The following LYPD6 variants were observed in gnomAD, a reference collection of about 807,000 sequenced individuals.
The protein encoded by LYPD6 is ly6/PLAUR domain-containing protein 6.
In LYPD6, 15 loss-of-function variants were observed where a neutral mutation model predicts 22.7. The observed-to-expected ratio is 0.66, with a 90% confidence interval of 0.44 to 1.02. LYPD6 has a LOEUF of 1.02. Ranked by LOEUF, LYPD6 falls within the 50% of genes least tolerant of loss-of-function variation. The probability of loss-of-function intolerance (pLI) is 0.00; values close to 1 mark genes in which losing one functional copy is unlikely to be tolerated. For missense variants in LYPD6, 189 were observed against 208.4 expected (o/e 0.91, Z 0.57); for synonymous variants, 72 against 77.5 (o/e 0.93, Z 0.37).
intron 1 of LYPD6, among the ~76,000 whole-genome samples, chr2:149,407,668 T>G (rs1268268341): frequency 6.6e-6 from 1 of 152,158 alleles, no homozygotes; most frequent in Non-Finnish European, 1.5e-5. Flanking sequence ...CTTCTTTGCC[T>G]TTGGTTTGAA....
chr2:149,344,792 T>C (rs1392513548), intron 1 of LYPD6, among the ~76,000 whole-genome samples: 5 of 152,184 alleles, frequency 3.3e-5, no homozygotes, highest in Admixed American at 3.3e-4. Flanking sequence ...GTAGGATGGC[T>C]GTGTCTGAAT....
At chr2:149,431,852 C>G (rs926556601) in intron 1 of LYPD6, among the ~76,000 whole-genome samples, 3 of 152,016 alleles carry the variant, frequency 2.0e-5, no homozygotes, top group South Asian at 2.1e-4. Context: ...AGGATATTTG[C>G]AAACATTTAT....
At chr2:149,380,082 A>T (rs1450814013) in intron 1 of LYPD6, among the ~76,000 whole-genome samples, 1 of 152,146 alleles carries the variant, frequency 6.6e-6, no homozygotes, top group African/African-American at 2.4e-5. Flanking sequence ...TATCTGGGGG[A>T]ATCTTCCTGA....
At chr2:149,348,890 G>A (rs1466895866) in intron 1 of LYPD6, among the ~76,000 whole-genome samples, 1 of 152,076 alleles carries the variant, frequency 6.6e-6, no homozygotes, top group Non-Finnish European at 1.5e-5. Flanking sequence ...TGGAGATGCT[G>A]AAAAAGGGCA....
At chr2:149,469,416 G>T (rs574509216) in intron 4 of LYPD6, among the ~76,000 whole-genome samples, 2 of 152,212 alleles carry the variant, frequency 1.3e-5, no homozygotes, top group Non-Finnish European at 2.9e-5. Context: ...CCCTCTATAC[G>T]TGTGTCTATA....
chr2:149,453,672 T>G (rs746811535), intron 3 of LYPD6, among the ~76,000 whole-genome samples: 1 of 152,248 alleles, frequency 6.6e-6, no homozygotes, highest in Non-Finnish European at 1.5e-5. Flanking sequence ...GAAATGTAAA[T>G]GTGATCCTCA....
At chr2:149,351,429 C>T (rs899816213) in intron 1 of LYPD6, among the ~76,000 whole-genome samples, 1 of 149,434 alleles carries the variant, frequency 6.7e-6, no homozygotes, top group Non-Finnish European at 1.5e-5. Flanking sequence ...AGAAAACAAG[C>T]CTATTTGAGT....
intron 1 of LYPD6, among the ~76,000 whole-genome samples, chr2:149,408,054 C>T (rs553417401): frequency 4.1e-4 from 63 of 152,262 alleles, no homozygotes; most frequent in African/African-American, 1.4e-3. Context: ...CGCGGATTTT[C>T]GTGATCTGCG....
intron 1 of LYPD6, among the ~76,000 whole-genome samples, chr2:149,334,933 G>C (rs1035108739): frequency 6.6e-6 from 1 of 152,100 alleles, no homozygotes; most frequent in African/African-American, 2.4e-5. Context: ...TCTTAGCTGT[G>C]GTGATGTCGT....
At chr2:149,482,386 C>A in the LYPD6 span, among the ~76,000 whole-genome samples, 1 of 152,166 alleles carries the variant, frequency 6.6e-6, no homozygotes, top group African/African-American at 2.4e-5. Flanking sequence ...ATAGACACAA[C>A]AGCTTATTAT....
At chr2:149,477,496 A>G (rs2105190694), downstream of LYPD6, among the ~76,000 whole-genome samples, 1 of 151,982 alleles carries the variant, frequency 6.6e-6, no homozygotes, top group East Asian at 1.9e-4. Flanking sequence ...GGTGGCACAC[A>G]CCTGTAATCC....
At chr2:149,348,699 C>T (rs1681306425) in intron 1 of LYPD6, among the ~76,000 whole-genome samples, 1 of 152,230 alleles carries the variant, frequency 6.6e-6, no homozygotes, top group Non-Finnish European at 1.5e-5. Flanking sequence ...CTCTTCCTTC[C>T]TTCTTTGTGA....
chr2:149,404,610 T>C (rs1479464304), intron 1 of LYPD6, among the ~76,000 whole-genome samples: 1 of 152,234 alleles, frequency 6.6e-6, no homozygotes, highest in Non-Finnish European at 1.5e-5. Context: ...CTGAAGTTGC[T>C]TATCAGCTTA....
chr2:149,329,994 G>T (rs924507245), upstream of LYPD6: 4 of 152,212 alleles, frequency 2.6e-5, no homozygotes, highest in African/African-American at 4.8e-5. Context: ...TACTGCAAAC[G>T]TCAAGTGGTC....
intron 2 of LYPD6, among the ~76,000 whole-genome samples, chr2:149,446,797 C>T (rs1250821704): frequency 6.6e-6 from 1 of 152,090 alleles, no homozygotes; most frequent in African/African-American, 2.4e-5. Flanking sequence ...TTGATATTGT[C>T]ATAGTCAGGT....
intron 3 of LYPD6, among the ~76,000 whole-genome samples, chr2:149,465,602 A>G (rs1361226733): frequency 1.3e-5 from 2 of 152,204 alleles, no homozygotes; most frequent in Non-Finnish European, 2.9e-5. Context: ...AAAGTTGGAC[A>G]TTTGTAATGT....
At chr2:149,415,767 A>C (rs535196328) in intron 1 of LYPD6, among the ~76,000 whole-genome samples, 3 of 152,100 alleles carry the variant, frequency 2.0e-5, no homozygotes, top group Non-Finnish European at 4.4e-5. Flanking sequence ...CCTGGGCTCA[A>C]GTGATCCTCC....
chr2:149,421,258 C>T (rs530030963), intron 1 of LYPD6, among the ~76,000 whole-genome samples: 3 of 152,044 alleles, frequency 2.0e-5, no homozygotes, highest in Admixed American at 6.5e-5. Context: ...GGCCTGGTGG[C>T]GCATGCCTGT....
At chr2:149,388,545 T>G (rs1682239709) in intron 1 of LYPD6, among the ~76,000 whole-genome samples, 1 of 151,888 alleles carries the variant, frequency 6.6e-6, no homozygotes, top group Non-Finnish European at 1.5e-5. Context: ...AAGGTCCTTA[T>G]GCAAAGATGG....
Sources: gnomAD v4.1 joint callset for allele counts (sites outside exome capture counted in the v4.1 genomes callset) on GRCh38, gnomAD v4.1.1 for gene constraint, MANE v1.5 for transcripts, NCBI Gene and HGNC (gene_info 2026-07-23, HGNC 2026-07-21) for gene names.